Variants in PXDNL observed in about 807,000 individuals in gnomAD.
PXDNL encodes the protein probable oxidoreductase PXDNL.
A neutral mutation model predicts 150.8 loss-of-function variants in PXDNL; 145 were observed. That is an observed-to-expected ratio of 0.96 (90% CI 0.84 to 1.10). The LOEUF is 1.10. Among genes scored for constraint, PXDNL ranks in the 50% least tolerant of loss-of-function variants. The probability of loss-of-function intolerance (pLI) is 0.00; values close to 1 mark genes in which losing one functional copy is unlikely to be tolerated. For missense variants in PXDNL, 2,087 were observed against 1,873.9 expected, an observed-to-expected ratio of 1.11 and a Z score of -2.10; for synonymous variants, 757 against 725.7, an observed-to-expected ratio of 1.04 and a Z score of -0.69.
intron 2 of PXDNL, among the ~76,000 whole-genome samples, chr8:51,596,664 G>A (rs939350623): frequency 3.3e-5 from 5 of 152,280 alleles, no homozygotes; most frequent in African/African-American, 1.2e-4. Flanking sequence ...TCGTGATGAT[G>A]AGCATTTTAT....
chr8:51,358,986 G>A (rs1484655688), intron 19 of PXDNL, among the ~76,000 whole-genome samples: 1 of 152,178 alleles, frequency 6.6e-6, no homozygotes, highest in African/African-American at 2.4e-5. Flanking sequence ...TCTGCCCTCA[G>A]AGTGTGCAGT....
chr8:51,795,831 A>G (rs529530130), intron 1 of PXDNL, among the ~76,000 whole-genome samples: 13 of 152,234 alleles, frequency 8.5e-5, no homozygotes, highest in Non-Finnish European at 1.5e-4. Flanking sequence ...AGTGAGACTT[A>G]CATTTATTCA....
At chr8:51,430,240 G>C (rs899874841) in intron 12 of PXDNL, among the ~76,000 whole-genome samples, 16 of 152,156 alleles carry the variant, frequency 1.1e-4, no homozygotes, top group Admixed American at 9.8e-4. Flanking sequence ...ACTTTATCTA[G>C]ACTTGGAAGG....
In PXDNL at chr8:51,650,101, C is replaced by CAAAAA. The variant is rs11451376; in HGVS notation, c.236+4583_236+4587dup. ...TCAACAACAGAGAGAGACTTTGTCT[C>CAAAAA]AAAAAAAAAAAAAAAAAAAATTCCA... On this transcript the variant is annotated intron_variant, in intron 2 of 22. Transcript: ENST00000356297. 9.8e-4 allele frequency among the ~76,000 whole-genome samples: 111 copies of CAAAAA among 113,288 alleles called. 2 individuals carry two copies. The highest frequency in any genetic ancestry group is 3.5e-3 in the African/African-American group (102 of 29,382). 74.3% of individuals were successfully genotyped at this position (113,288 alleles called of 152,430 possible). A position where few individuals can be genotyped will look rare whatever the true frequency, so the allele number is the denominator to read the frequency against.
rs781468410 is a variant in PXDNL, at chr8:51,320,792, T to G, written c.4252A>C (p.Ile1418Leu). The G allele has an allele frequency of 6.2e-7, 1 of 1,612,620 alleles. No individual in the cohort carries two copies. Among genetic ancestry groups the G allele is most frequent in the Admixed American group, 1.7e-5 (1 of 59,980 alleles). Residue 1418 changes from isoleucine (I) to leucine (L), a missense_variant, in exon 22 of 23, where the codon ATT (isoleucine) becomes CTT (leucine). Transcript: ENST00000356297. ...AAACTCGCAGCACAAACCTCACAAA[T>G]GCAGTGAGTGCAGTCTTCTTTCATC... ...RWMKEDCTHCICESGQVTCVV... is the reference protein window; with the variant it reads ...RWMKEDCTHCLCESGQVTCVV...
At chr8:51,392,676 C>T (rs1331767410) in intron 17 of PXDNL, among the ~76,000 whole-genome samples, 2 of 152,202 alleles carry the variant, frequency 1.3e-5, no homozygotes, top group Non-Finnish European at 2.9e-5. Flanking sequence ...ACAATCATGT[C>T]ATCTGCAAAC....
chr8:51,374,893 G>A (rs1300822177), intron 17 of PXDNL, among the ~76,000 whole-genome samples, 162 bp from the exon 18 acceptor site: 4 of 152,150 alleles, frequency 2.6e-5, no homozygotes, highest in African/African-American at 9.7e-5. Context: ...CTCAAATGAA[G>A]GAACCCTCAG....
rs1025204357 is a variant in PXDNL, at chr8:51,608,573, C to G, written c.237-15875G>C. ...GTATTGCAGGCCGGGCGCGGTGGCT[C>G]ACGCCTGTAATCCCAGCACTTTGGG... is the stretch of plus-strand genomic sequence containing the variant. On this transcript the variant is annotated intron_variant, in intron 2 of 22. Transcript: ENST00000356297. Among the ~76,000 whole-genome samples the G allele has an allele frequency of 1.1e-4, 16 of 147,902 alleles. 1 individual carries two copies. Among genetic ancestry groups the G allele is most frequent in the South Asian group, 4.2e-4 (2 of 4,786 alleles).
At chr8:51,411,498 C>A in intron 15 of PXDNL, 91 bp from the exon 16 acceptor site, 2 of 1,189,794 alleles carry the variant, frequency 1.7e-6, no homozygotes, top group South Asian at 1.9e-5. Flanking sequence ...AGGCATTTCC[C>A]AAACATTCGA....
chr8:51,561,702 G>T (rs1238835228), intron 3 of PXDNL, among the ~76,000 whole-genome samples: 1 of 151,850 alleles, frequency 6.6e-6, no homozygotes. Context: ...GTAGAATAGT[G>T]GTTGCCAGGG....
chr8:51,400,400 A>G (rs911441642), intron 17 of PXDNL, among the ~76,000 whole-genome samples: 18 of 152,204 alleles, frequency 1.2e-4, no homozygotes, highest in African/African-American at 4.3e-4. Flanking sequence ...TGAGCATTTC[A>G]GGAATTTTGA....
chr8:51,672,654 G>T (rs1815525535), intron 1 of PXDNL, among the ~76,000 whole-genome samples: 1 of 152,186 alleles, frequency 6.6e-6, no homozygotes, highest in East Asian at 1.9e-4. Context: ...AGAATTAAAT[G>T]TTCTTTCCAA....
chr8:51,632,880 T>C (rs1454248865), intron 2 of PXDNL, among the ~76,000 whole-genome samples: 1 of 152,160 alleles, frequency 6.6e-6, no homozygotes, highest in Non-Finnish European at 1.5e-5. Flanking sequence ...TGTTTTGTTT[T>C]GTTTTCTGTA....
chr8:51,633,088 C>G (rs1002509237), intron 2 of PXDNL, among the ~76,000 whole-genome samples: 8 of 152,026 alleles, frequency 5.3e-5, no homozygotes, highest in African/African-American at 1.7e-4. Flanking sequence ...CAATTTGTTC[C>G]CATATTTATG....
intron 4 of PXDNL, among the ~76,000 whole-genome samples, chr8:51,542,380 T>A (rs954898638): frequency 4.6e-5 from 7 of 152,030 alleles, no homozygotes; most frequent in African/African-American, 1.7e-4. Flanking sequence ...ATACAATTCA[T>A]ATGTTGAAAT....
intron 4 of PXDNL, among the ~76,000 whole-genome samples, chr8:51,508,938 C>CATCTAAGT (rs1457066921): frequency 1.6e-4 from 25 of 152,192 alleles, no homozygotes; most frequent in African/African-American, 5.5e-4. Flanking sequence ...CAACATCCTA[C>CATCTAAGT]ATCTAAGTGG....
At chr8:51,499,259 A>T (rs1811127447) in intron 5 of PXDNL, among the ~76,000 whole-genome samples, 3 of 152,098 alleles carry the variant, frequency 2.0e-5, no homozygotes, top group Admixed American at 2.0e-4. Context: ...CCTCCTGAGT[A>T]GCTGGGATTA....
chr8:51,330,595 T>C (rs1805651155), intron 21 of PXDNL, among the ~76,000 whole-genome samples: 1 of 152,194 alleles, frequency 6.6e-6, no homozygotes, highest in Non-Finnish European at 1.5e-5. Context: ...CAGGGTTGAT[T>C]TCTTCTCAGG....
intron 1 of PXDNL, among the ~76,000 whole-genome samples, chr8:51,717,908 G>T (rs1476412385): frequency 6.6e-6 from 1 of 152,138 alleles, no homozygotes; most frequent in Non-Finnish European, 1.5e-5. Flanking sequence ...TTATAAGGGG[G>T]GTTTCCAAAA....
Sources: allele counts gnomAD v4.1 joint callset (sites outside exome capture counted in the v4.1 genomes callset), GRCh38; gene constraint gnomAD v4.1.1; transcripts MANE v1.5; gene names NCBI Gene and HGNC (gene_info 2026-07-23, HGNC 2026-07-21).